The following LDLRAD4 variants were observed in gnomAD, a reference collection of about 807,000 sequenced individuals.
The protein encoded by LDLRAD4 is low density lipoprotein receptor class A domain containing 4, also known as low-density lipoprotein receptor class A domain-containing protein 4.
In LDLRAD4, 5 loss-of-function variants were observed where a neutral mutation model predicts 17.0. The observed-to-expected ratio is 0.29, with a 90% CI of 0.15 to 0.62. The LOEUF (loss-of-function observed/expected upper bound fraction) is 0.62. Among genes scored for constraint, LDLRAD4 ranks in the 20% least tolerant of loss-of-function variants. LDLRAD4 has a pLI of 0.84. For synonymous variants in LDLRAD4, 168 were observed against 171.8 expected, an observed-to-expected ratio of 0.98 and a Z score of 0.17; for missense variants, 340 against 424.7, an observed-to-expected ratio of 0.80 and a Z score of 1.75.
intron 1 of LDLRAD4, among the ~76,000 whole-genome samples, chr18:13,282,547 G>C (rs923721307): frequency 1.3e-5 from 2 of 152,208 alleles, no homozygotes; most frequent in African/African-American, 4.8e-5. Flanking sequence ...GCTTCAAAAT[G>C]ATCTCCTTTG....
intron 1 of LDLRAD4, among the ~76,000 whole-genome samples, chr18:13,334,035 A>G (rs1490417292): frequency 6.6e-6 from 1 of 152,228 alleles, no homozygotes; most frequent in East Asian, 1.9e-4. Context: ...ATCCATGGAC[A>G]TGGACCATCT....
intron 3 of LDLRAD4, among the ~76,000 whole-genome samples, chr18:13,475,202 C>T (rs1023801524): frequency 6.6e-6 from 1 of 152,198 alleles, no homozygotes; most frequent in African/African-American, 2.4e-5. Context: ...TTAGGTTAAA[C>T]AATTCTTTCT....
chr18:13,452,087 G>A (rs372419960), intron 3 of LDLRAD4, among the ~76,000 whole-genome samples: 19 of 152,214 alleles, frequency 1.2e-4, no homozygotes, highest in African/African-American at 3.9e-4. Flanking sequence ...TGAACGTGGC[G>A]TGTGCCCCTG....
intron 2 of LDLRAD4, among the ~76,000 whole-genome samples, chr18:13,431,347 C>T (rs1003247393): frequency 6.6e-6 from 1 of 152,184 alleles, no homozygotes. Flanking sequence ...AAGAATGCCT[C>T]CTCGCATCTT....
chr18:13,612,478 AG>A (rs2039665226), intron 3 of LDLRAD4: 1 of 1,313,050 alleles, frequency 7.6e-7, no homozygotes, highest in Non-Finnish European at 9.7e-7. Flanking sequence ...ACAGCATTTG[AG>A]TCTAGCACCT....
intron 1 of LDLRAD4, among the ~76,000 whole-genome samples, chr18:13,346,781 T>C (rs2082716700): frequency 6.6e-6 from 1 of 152,206 alleles, no homozygotes; most frequent in South Asian, 2.1e-4. Context: ...TGCATATATA[T>C]TTAGGATAGT....
At chr18:13,373,558 A>G (rs1031496602) in intron 1 of LDLRAD4, among the ~76,000 whole-genome samples, 3 of 152,234 alleles carry the variant, frequency 2.0e-5, no homozygotes, top group Admixed American at 6.5e-5. Context: ...CTATAATTCA[A>G]TGATTGATGG....
Position 13,641,950 on chromosome 18 carries a change from G to A in LDLRAD4, c.337-1409G>A, listed in dbSNP as rs532994440. 13 of 985,458 alleles carry A rather than the reference G, an allele frequency of 1.3e-5. No individual in the cohort carries two copies. The East Asian group carries it at 1.4e-3, about 103-fold the overall frequency. 61.0% of individuals were successfully genotyped at this position (985,458 alleles called of 1,614,324 possible). A position where few individuals can be genotyped will look rare whatever the true frequency, so the allele number is the denominator to read the frequency against. ...CGGCTGACTGGGCTCCCGGAGCGAGGAGCGCCCCTGCGGGCCCAGCCTGGG... is the reference window on the plus strand; with the variant it reads ...CGGCTGACTGGGCTCCCGGAGCGAGAAGCGCCCCTGCGGGCCCAGCCTGGG... On this transcript the variant is annotated intron_variant, in intron 4 of 5. Transcript: ENST00000359446.
At position 13,622,265 on chromosome 18, in the gene LDLRAD4, A is replaced by C. The variant is rs560056330; in HGVS notation, c.336+994A>C. On this transcript the variant is annotated intron_variant, in intron 4 of 5. Coordinates refer to ENST00000359446, the Ensembl canonical transcript of LDLRAD4. The surrounding 1 kb of genome is among the most constrained non-coding windows in gnomAD (Gnocchi z 5.3). ...TCTCAGGAGTGCAGGCTCACACTTC[A>C]CTAGGATCATTGGTGCAGCCATCCA... 6.6e-6 allele frequency among the ~76,000 whole-genome samples: 1 copy of C among 152,052 alleles called. No individual in the cohort carries two copies. Among genetic ancestry groups the C allele is most frequent in the African/African-American group, 2.4e-5 (1 of 41,514 alleles).
intron 3 of LDLRAD4, among the ~76,000 whole-genome samples, chr18:13,448,699 G>A (rs1264415664): frequency 6.6e-6 from 1 of 152,038 alleles, no homozygotes; most frequent in Non-Finnish European, 1.5e-5. Flanking sequence ...GCAGCTTGCC[G>A]TTCGGCTGGG....
At chr18:13,231,286 C>T (rs900029287) in intron 1 of LDLRAD4, among the ~76,000 whole-genome samples, 10 of 152,176 alleles carry the variant, frequency 6.6e-5, no homozygotes, top group Admixed American at 5.9e-4. Context: ...ACACATGGCT[C>T]GTGTGAAAGG....
intron 2 of LDLRAD4, among the ~76,000 whole-genome samples, chr18:13,402,929 GA>G (rs2087361346): frequency 6.6e-6 from 1 of 152,152 alleles, no homozygotes; most frequent in South Asian, 2.1e-4. Context: ...TCAAAACTTA[GA>G]AACAACAATA....
At chr18:13,560,366 C>T (rs184854902) in intron 3 of LDLRAD4, among the ~76,000 whole-genome samples, 1 of 152,300 alleles carries the variant, frequency 6.6e-6, no homozygotes, top group Admixed American at 6.5e-5. Context: ...GGTAATGGCC[C>T]AATCTCAGAG....
chr18:13,266,708 C>T (rs940723955), intron 1 of LDLRAD4, among the ~76,000 whole-genome samples: 2 of 152,286 alleles, frequency 1.3e-5, no homozygotes, highest in African/African-American at 4.8e-5. Flanking sequence ...TGCTCTGAAG[C>T]AAGCCCAGCA....
intron 3 of LDLRAD4, among the ~76,000 whole-genome samples, chr18:13,557,199 G>A (rs955866707): frequency 6.6e-6 from 1 of 151,962 alleles, no homozygotes; most frequent in Non-Finnish European, 1.5e-5. Flanking sequence ...CCAGGAGGCT[G>A]AGCCAGGAGG....
chr18:13,242,268 C>G (rs1192401827), intron 1 of LDLRAD4, among the ~76,000 whole-genome samples: 1 of 152,188 alleles, frequency 6.6e-6, no homozygotes, highest in Non-Finnish European at 1.5e-5. Flanking sequence ...CAAGTTTTAC[C>G]CGGTCACGTC....
intron 2 of LDLRAD4, among the ~76,000 whole-genome samples, chr18:13,389,246 C>A (rs539411392): frequency 8.9e-4 from 136 of 152,170 alleles, no homozygotes; most frequent in Non-Finnish European, 1.4e-3. Flanking sequence ...CGTGGATACT[C>A]CTCCCCTCCA....
At chr18:13,422,197 A>C (rs2089530707) in intron 2 of LDLRAD4, among the ~76,000 whole-genome samples, 1 of 152,214 alleles carries the variant, frequency 6.6e-6, no homozygotes. Flanking sequence ...CAAGAAGCTC[A>C]GTGCACATGT....
chr18:13,264,306 T>C (rs1319891130), intron 1 of LDLRAD4, among the ~76,000 whole-genome samples: 6 of 152,230 alleles, frequency 3.9e-5, no homozygotes, highest in African/African-American at 1.4e-4. Context: ...CCTGGAGGGC[T>C]TCCCAGCCCC....
Sources: allele counts gnomAD v4.1 joint callset (sites outside exome capture counted in the v4.1 genomes callset), GRCh38; gene constraint gnomAD v4.1.1; non-coding constraint Gnocchi (gnomAD v3.1); transcripts MANE v1.5; gene names NCBI Gene and HGNC (gene_info 2026-07-23, HGNC 2026-07-21).